The following LARP4 variants were observed in gnomAD, a reference collection of about 807,000 sequenced individuals.
The protein encoded by LARP4 is la-related protein 4.
LARP4 carries 29 observed loss-of-function variants against 92.9 expected under a neutral mutation model. The observed-to-expected ratio is 0.31, with a 90% confidence interval of 0.23 to 0.43. The LOEUF (loss-of-function observed/expected upper bound fraction) is 0.43. Ranked by LOEUF, LARP4 falls within the 20% of genes least tolerant of loss-of-function variation. The probability of loss-of-function intolerance (pLI) is 1.00; values close to 1 mark genes in which losing one functional copy is unlikely to be tolerated. For synonymous variants in LARP4, 279 were observed against 284.1 expected (o/e 0.98, Z 0.18); for missense variants, 732 against 860.0 (o/e 0.85, Z 1.86).
intron 5 of LARP4, among the ~76,000 whole-genome samples, chr12:50,436,219 GGT>G (rs377317324): frequency 2.1e-5 from 3 of 145,372 alleles, no homozygotes; most frequent in Non-Finnish European, 3.0e-5. Flanking sequence ...GGTGTGTGGG[GGT>G]GTGTGTGTGT....
In LARP4 at chr12:50,461,152, G is replaced by A. The variant is rs780099369; in HGVS notation, c.1139G>A (p.Arg380Lys). 23 of 1,613,646 alleles carry A rather than the reference G, an allele frequency of 1.4e-5. No homozygotes were observed. The highest frequency in any genetic ancestry group is 1.8e-5 in the Non-Finnish European group (21 of 1,179,780). ...TCCTATAGTGTGAAGCCTCAGTTTA[G>A]GTCATCTGGTGGTTCAGAACACTCA... is the stretch of plus-strand genomic sequence containing the variant. ...FQKNRVKPQF[R>K]SSGGSEHSTE... Residue 380 changes from arginine (R) to lysine (K), a missense_variant, in exon 11 of 16, where the codon AGG (arginine) becomes AAG (lysine). Arg to Lys is a conservative substitution (Grantham distance 26, BLOSUM62 2). Around this residue, in one of 7 missense-constraint regions of LARP4, gnomAD observed 264 missense variants for 269.5 expected, o/e 0.98. Transcript: ENST00000398473.
intron 1 of LARP4, among the ~76,000 whole-genome samples, chr12:50,406,227 T>G (rs1274892260): frequency 6.6e-6 from 1 of 152,168 alleles, no homozygotes; most frequent in Non-Finnish European, 1.5e-5. Context: ...CTCAACACTT[T>G]GGGAGGCCGA....
intron 8 of LARP4, among the ~76,000 whole-genome samples, chr12:50,449,294 T>C (rs1191434051): frequency 1.3e-5 from 2 of 152,136 alleles, no homozygotes; most frequent in Non-Finnish European, 2.9e-5. Flanking sequence ...CCTATAACTT[T>C]GTATTTTTTT....
At chr12:50,441,667 A>G in intron 8 of LARP4, 24 bp downstream of exon 8, 1 of 1,546,376 alleles carries the variant, frequency 6.5e-7, no homozygotes, top group African/African-American at 1.4e-5. Flanking sequence ...ATCAGTGTGA[A>G]ACCAGAACAG....
At chr12:50,401,060 T>G in intron 1 of LARP4, 32 bp downstream of exon 1, 1 of 1,613,438 alleles carries the variant, frequency 6.2e-7, no homozygotes, top group African/African-American at 1.3e-5. Context: ...CGTCCTGCTC[T>G]TAGGAGAGCA....
chr12:50,422,881 AG>A (rs1161005760), intron 1 of LARP4, among the ~76,000 whole-genome samples: 20 of 150,888 alleles, frequency 1.3e-4, no homozygotes, highest in African/African-American at 4.9e-4. Context: ...GCCATGGGGC[AG>A]TGTTGGCTCA....
intron 4 of LARP4, among the ~76,000 whole-genome samples, chr12:50,434,118 G>C (rs1161007772): frequency 6.6e-6 from 1 of 152,078 alleles, no homozygotes; most frequent in Non-Finnish European, 1.5e-5. Context: ...AGTGCTATGG[G>C]AAAAAAATTA....
chr12:50,419,406 CACT>C (rs1027416995), intron 1 of LARP4, among the ~76,000 whole-genome samples: 29 of 152,018 alleles, frequency 1.9e-4, no homozygotes, highest in Admixed American at 8.5e-4. Flanking sequence ...GAGAAAAGCA[CACT>C]GACAGTTTTA....
chr12:50,406,585 C>T (rs1200165573), intron 1 of LARP4, among the ~76,000 whole-genome samples: 2 of 152,174 alleles, frequency 1.3e-5, no homozygotes, highest in Admixed American at 6.5e-5. Context: ...AGTCATGGCA[C>T]ACCATAGCCT....
intron 1 of LARP4, among the ~76,000 whole-genome samples, chr12:50,423,111 C>T (rs746674427): frequency 5.3e-5 from 8 of 151,990 alleles, no homozygotes; most frequent in South Asian, 2.1e-4. Flanking sequence ...TGAGCCACCG[C>T]GCCTGGCTGG....
At chr12:50,431,822 C>T (rs754118632) in intron 4 of LARP4, among the ~76,000 whole-genome samples, 6 of 151,856 alleles carry the variant, frequency 4.0e-5, no homozygotes, top group South Asian at 2.1e-4. Flanking sequence ...CCAGCCTGGG[C>T]GGCAAGAGCG....
Position 50,473,553 on chromosome 12 carries a change from A to G in LARP4, c.1667+17A>G, listed in dbSNP as rs1486023195. 14 of 1,605,868 alleles carry G rather than the reference A, an allele frequency of 8.7e-6. No homozygotes were observed. In the South Asian group the frequency reaches 1.3e-4, roughly 15 times the overall value. ...TGCATTAAGGTACAAGTTATAGTATAGAAGATCTTCAACATTAAATTACTT... is the reference window on the plus strand; with the variant it reads ...TGCATTAAGGTACAAGTTATAGTATGGAAGATCTTCAACATTAAATTACTT... On this transcript the variant is annotated intron_variant, in intron 14 of 15. Coordinates refer to ENST00000398473, the MANE Select transcript of LARP4 (RefSeq NM_052879.5).
chr12:50,410,506 C>T (rs1047752093), intron 1 of LARP4, among the ~76,000 whole-genome samples: 5 of 151,210 alleles, frequency 3.3e-5, no homozygotes, highest in East Asian at 3.9e-4. Context: ...CCTGGGTTCA[C>T]GCCATTCTCC....
In LARP4 at chr12:50,473,487, C is replaced by T. The variant is rs1172660344; in HGVS notation, c.1618C>T (p.Leu540Phe). The change falls in exon 14 of 16, where the codon CTC becomes TTC. Residue 540 changes from leucine (L) to phenylalanine (F), a missense_variant. Leu to Phe is a conservative substitution (Grantham distance 22). Transcript: ENST00000398473. ...EQTECTSAQQLNMSTSSPCAA... is the reference protein window; with the variant it reads ...EQTECTSAQQFNMSTSSPCAA... ...GACAGAATGCACTTCTGCCCAGCAA[C>T]TCAATATGAGTACCAGTTCTCCATG... The T allele has an allele frequency of 3.1e-6, 5 of 1,613,522 alleles. No individual in the cohort carries two copies. Among genetic ancestry groups the T allele is most frequent in the East Asian group, 2.2e-5 (1 of 44,868 alleles).
chr12:50,402,936 T>C, intron 1 of LARP4: 1 of 384,580 alleles, frequency 2.6e-6, no homozygotes, highest in South Asian at 1.9e-5. Context: ...TATTGAAAAT[T>C]AACTGTCTTT....
At chr12:50,436,186 A>G (rs1950435632) in intron 5 of LARP4, among the ~76,000 whole-genome samples, 1 of 148,424 alleles carries the variant, frequency 6.7e-6, no homozygotes. Flanking sequence ...ATATATATAT[A>G]TATATATATC....
intron 13 of LARP4, among the ~76,000 whole-genome samples, chr12:50,473,162 G>T (rs1365040852): frequency 6.6e-6 from 1 of 152,130 alleles, no homozygotes; most frequent in Admixed American, 6.6e-5. Flanking sequence ...TTCTAAAGCA[G>T]TGCATCATTT....
At chr12:50,421,889 G>A (rs1306478361) in intron 1 of LARP4, among the ~76,000 whole-genome samples, 2 of 151,538 alleles carry the variant, frequency 1.3e-5, no homozygotes, top group African/African-American at 4.9e-5. Flanking sequence ...ATCTTTCTAT[G>A]TCTTTAATTG....
At chr12:50,436,106 GTGTGTGTGTGTGTGATA>G (rs1355171755) in intron 5 of LARP4, among the ~76,000 whole-genome samples, 1 of 141,322 alleles carries the variant, frequency 7.1e-6, no homozygotes, top group Non-Finnish European at 1.6e-5. Flanking sequence ...CCGCTGGTGT[GTGTGTGTGTGTGTGATA>G]TGTGTGTGTG....
Sources: allele counts gnomAD v4.1 joint callset (sites outside exome capture counted in the v4.1 genomes callset), GRCh38; gene constraint gnomAD v4.1.1; regional missense constraint gnomAD v4.1.1; transcripts MANE v1.5; gene names NCBI Gene and HGNC (gene_info 2026-07-23, HGNC 2026-07-21).